The following ATP9B variants were observed in gnomAD, a reference collection of about 807,000 sequenced individuals.
ATP9B encodes probable phospholipid-transporting ATPase IIB.
ATP9B carries 110 observed loss-of-function variants against 146.1 expected under a neutral mutation model. The observed-to-expected ratio is 0.75, with a 90% CI of 0.65 to 0.88. The LOEUF is 0.88. Ranked by LOEUF, ATP9B falls within the 40% of genes least tolerant of loss-of-function variation. The pLI is 0.00. For missense variants in ATP9B, 1,499 were observed against 1,496.4 expected, an observed-to-expected ratio of 1.00 and a Z score of -0.03; for synonymous variants, 604 against 569.7, an observed-to-expected ratio of 1.06 and a Z score of -0.86.
intron 11 of ATP9B, among the ~76,000 whole-genome samples, chr18:79,235,340 T>C (rs1465993460): frequency 2.0e-5 from 3 of 152,254 alleles, no homozygotes; most frequent in Non-Finnish European, 4.4e-5. Context: ...TCGTAAGCCA[T>C]AGAGCAATAT....
At chr18:79,198,579 C>T (rs935010196) in intron 9 of ATP9B, among the ~76,000 whole-genome samples, 1 of 130,772 alleles carries the variant, frequency 7.6e-6, no homozygotes, top group African/African-American at 3.6e-5. Context: ...GTGTAGCCTA[C>T]TACACACCTA....
intron 7 of ATP9B, among the ~76,000 whole-genome samples, chr18:79,155,443 T>C: frequency 6.6e-6 from 1 of 152,222 alleles, no homozygotes; most frequent in Non-Finnish European, 1.5e-5. Flanking sequence ...TTGGCCCATT[T>C]CTAGTTATGT....
chr18:79,210,562 TA>T (rs921794389), intron 10 of ATP9B, among the ~76,000 whole-genome samples: 11 of 152,246 alleles, frequency 7.2e-5, no homozygotes, highest in Admixed American at 5.2e-4. Flanking sequence ...AGTTTTGGTC[TA>T]GGTTGTTTAC....
intron 11 of ATP9B, among the ~76,000 whole-genome samples, chr18:79,222,057 C>T (rs2095685574): frequency 6.6e-6 from 1 of 152,076 alleles, no homozygotes; most frequent in Admixed American, 6.5e-5. Context: ...CCTGTAGTTA[C>T]AGGTACCATG....
chr18:79,301,810 G>C (rs1020753573), intron 13 of ATP9B, among the ~76,000 whole-genome samples: 2 of 152,180 alleles, frequency 1.3e-5, no homozygotes, highest in South Asian at 2.1e-4. Context: ...GTTAGCTGCT[G>C]TTTGGAATTT....
At chr18:79,206,515 G>A (rs531935091) in intron 9 of ATP9B, among the ~76,000 whole-genome samples, 6 of 151,988 alleles carry the variant, frequency 3.9e-5, no homozygotes, top group Admixed American at 2.0e-4. Flanking sequence ...AGTTGAATAC[G>A]CTAGGCATGC....
chr18:79,281,561 G>A (rs929988710), intron 13 of ATP9B, among the ~76,000 whole-genome samples: 1 of 151,972 alleles, frequency 6.6e-6, no homozygotes, highest in South Asian at 2.1e-4. Context: ...CATAGATACA[G>A]ATGTATCTGA....
At chr18:79,372,241 G>C (rs113274185) in intron 26 of ATP9B, 1 of 111,062 alleles carries the variant, frequency 9.0e-6, no homozygotes, top group African/African-American at 3.5e-5. Context: ...CTGCCCCCTC[G>C]TCCCCTGCCT....
At chr18:79,147,201 C>T (rs900973723) in intron 6 of ATP9B, among the ~76,000 whole-genome samples, 1 of 152,018 alleles carries the variant, frequency 6.6e-6, no homozygotes, top group African/African-American at 2.4e-5. Context: ...CCATAAAATT[C>T]GTGAATCAAC....
At chr18:79,363,240 T>G (rs2097001053) in intron 26 of ATP9B, 2 of 152,234 alleles carry the variant, frequency 1.3e-5, no homozygotes, top group Non-Finnish European at 2.9e-5. Flanking sequence ...ACATTTATAA[T>G]AATACATTTA....
intron 1 of ATP9B, among the ~76,000 whole-genome samples, chr18:79,080,442 C>A (rs2073123952): frequency 6.6e-6 from 1 of 151,862 alleles, no homozygotes; most frequent in East Asian, 1.9e-4. Flanking sequence ...GGCTCTTTGT[C>A]TATTGGTGTA....
At chr18:79,080,310 T>C (rs1314416231) in intron 1 of ATP9B, among the ~76,000 whole-genome samples, 2 of 152,188 alleles carry the variant, frequency 1.3e-5, no homozygotes, top group African/African-American at 4.8e-5. Context: ...TGTCCTCTCT[T>C]ATTTCCTTGA....
intron 5 of ATP9B, among the ~76,000 whole-genome samples, chr18:79,137,897 C>A (rs1233507858): frequency 2.7e-4 from 41 of 152,226 alleles, no homozygotes; most frequent in Admixed American, 2.7e-3. Flanking sequence ...GCCATACACC[C>A]TTTAAAGGTG....
Position 79,362,848 on chromosome 18 carries a change from T to C in ATP9B, c.3012+3386T>C, listed in dbSNP as rs528828555. 2.0e-5 allele frequency: 3 copies of C among 152,378 alleles called. No homozygotes were observed. The South Asian group carries it at 6.2e-4, about 32-fold the overall frequency. 9.4% of individuals were successfully genotyped at this position (152,378 alleles called of 1,614,324 possible). On this transcript the variant is annotated intron_variant, in intron 26 of 29. Transcript: ENST00000426216. ...TTGTAAAGATATCAAGTAGGTAATA[T>C]ACAGTTCTTCATGAAATCTCTGGTG...
At chr18:79,123,247 A>G (rs2094220134) in intron 4 of ATP9B, among the ~76,000 whole-genome samples, 1 of 152,224 alleles carries the variant, frequency 6.6e-6, no homozygotes. Context: ...AGATGAACAT[A>G]CAAAAGTCAC....
At chr18:79,330,276 A>T (rs555634291) in intron 17 of ATP9B, among the ~76,000 whole-genome samples, 172 bp downstream of exon 17, 1 of 152,342 alleles carries the variant, frequency 6.6e-6, no homozygotes, top group East Asian at 1.9e-4. Flanking sequence ...TTGAGCTGTC[A>T]AAATGTCAAA....
At chr18:79,256,005 A>G (rs1441861102) in intron 12 of ATP9B, among the ~76,000 whole-genome samples, 3 of 151,820 alleles carry the variant, frequency 2.0e-5, no homozygotes, top group Non-Finnish European at 2.9e-5. Context: ...TTTCGTTACC[A>G]CTTGCTTTGT....
intron 2 of ATP9B, among the ~76,000 whole-genome samples, chr18:79,103,569 G>A (rs1413786577): frequency 5.9e-5 from 9 of 152,030 alleles, no homozygotes; most frequent in Non-Finnish European, 1.3e-4. Flanking sequence ...AACTAGGGGA[G>A]GAAGAATGAA....
intron 15 of ATP9B, among the ~76,000 whole-genome samples, chr18:79,315,336 A>G (rs2096673436): frequency 6.6e-6 from 1 of 152,256 alleles, no homozygotes; most frequent in East Asian, 1.9e-4. Context: ...TGTCAGTGAC[A>G]TAAAGCCTTC....
Sources: gnomAD v4.1 joint callset for allele counts (sites outside exome capture counted in the v4.1 genomes callset) on GRCh38, gnomAD v4.1.1 for gene constraint, MANE v1.5 for transcripts, NCBI Gene and HGNC (gene_info 2026-07-23, HGNC 2026-07-21) for gene names.